The following CASP9 variants were observed in gnomAD, a reference collection of about 807,000 sequenced individuals.
CASP9 encodes the protein caspase 9.
In CASP9, 29 loss-of-function variants were observed where a neutral mutation model predicts 43.5. The observed-to-expected ratio is 0.67, with a 90% confidence interval of 0.50 to 0.91. The LOEUF (loss-of-function observed/expected upper bound fraction) is 0.91. Ranked by LOEUF, CASP9 falls within the 40% of genes least tolerant of loss-of-function variation. The pLI, the probability that CASP9 is intolerant of heterozygous loss-of-function variation, is 0.00. For synonymous variants in CASP9, 206 were observed against 211.9 expected, an observed-to-expected ratio of 0.97 and a Z score of 0.24; for missense variants, 575 against 537.4, an observed-to-expected ratio of 1.07 and a Z score of -0.69.
chr1:15,518,324 C>A lies in CASP9; in HGVS notation c.204G>T (p.Gln68His). 1 of 1,614,216 alleles carries A rather than the reference C, an allele frequency of 6.2e-7. No individual in the cohort carries two copies. Among genetic ancestry groups the A allele is most frequent in the Non-Finnish European group, 8.5e-7 (1 of 1,180,052 alleles). The change falls in exon 2 of 9, where the codon CAG becomes CAT. Residue 68 changes from glutamine (Q) to histidine (H), a missense_variant. Physicochemically the swap from Gln to His is conservative, Grantham distance 24 (BLOSUM62 0). Coordinates refer to ENST00000333868, the MANE Select transcript of CASP9 (RefSeq NM_001229.5). ...LIIDLETRGS[Q>H]ALPLFISCLE... ...AGCAGGAGATGAACAAAGGAAGAGC[C>A]TGACTCCCTCGAGTCTCCAGATCTA...
intron 1 of CASP9, among the ~76,000 whole-genome samples, chr1:15,519,471 C>T (rs186091560): frequency 6.6e-6 from 1 of 152,264 alleles, no homozygotes; most frequent in African/African-American, 2.4e-5. Context: ...CGTGAGCTAC[C>T]ATGCCCGGCC....
In CASP9 at chr1:15,524,155, G is replaced by T; in HGVS notation, c.46C>A (p.Leu16Met). The T allele has an allele frequency of 6.5e-7, 1 of 1,539,544 alleles. No individual in the cohort carries two copies. Residue 16 changes from leucine (L) to methionine (M), a missense_variant, in exon 1 of 9, where the codon CTG becomes ATG. Transcript: ENST00000333868. ...RRLLRRCRLRLVEELQVDQLW... is the reference protein window; with the variant it reads ...RRLLRRCRLRMVEELQVDQLW... ...TGGTCCACCTGCAGCTCTTCCACCA[G>T]CCGCAGCCGGCACCGCCGCAGGAGC...
chr1:15,524,009 C>T (rs887295976), intron 1 of CASP9, 60 bp downstream of exon 1: 2 of 1,285,624 alleles, frequency 1.6e-6, no homozygotes, highest in African/African-American at 3.2e-5. Flanking sequence ...CGCACAACGC[C>T]TCCTCGAGGG....
intron 1 of CASP9, among the ~76,000 whole-genome samples, chr1:15,520,977 G>A (rs1710168988): frequency 6.6e-6 from 1 of 151,992 alleles, no homozygotes; most frequent in Non-Finnish European, 1.5e-5. Flanking sequence ...CTAACACGGT[G>A]AAACCCCATC....
chr1:15,506,683 C>T (rs891494601), intron 4 of CASP9, among the ~76,000 whole-genome samples: 3 of 152,194 alleles, frequency 2.0e-5, no homozygotes, highest in Non-Finnish European at 4.4e-5. Flanking sequence ...AACTGAGGCA[C>T]AGGAGGTCAC....
chr1:15,514,178 A>G (rs988009677), intron 2 of CASP9, among the ~76,000 whole-genome samples: 1 of 152,124 alleles, frequency 6.6e-6, no homozygotes, highest in Non-Finnish European at 1.5e-5. Flanking sequence ...CTGTCTACCC[A>G]CTAGATGCCA....
rs1301282992 is a variant in CASP9 at position 15,524,204 on chromosome 1, G to T, written c.-4C>A. On this transcript the variant is annotated 5_prime_UTR_variant, in exon 1 of 9. Coordinates refer to ENST00000333868, the MANE Select transcript of CASP9 (RefSeq NM_001229.5). ...GCCGCCGATCCGCTTCGTCCATGGC[G>T]AGTAGCCAACTAAGACTCCAGGCCG... The T allele has an allele frequency of 3.9e-6, 6 of 1,542,984 alleles. No homozygotes were observed.
At chr1:15,493,609 A>G in intron 8 of CASP9, 1 of 1,436,628 alleles carries the variant, frequency 7.0e-7, no homozygotes, top group Non-Finnish European at 9.1e-7. Context: ...CTGCGCTGGC[A>G]CTGAGGACCA....
At chr1:15,520,939 C>T (rs1368905969) in intron 1 of CASP9, among the ~76,000 whole-genome samples, 2 of 152,012 alleles carry the variant, frequency 1.3e-5, no homozygotes, top group East Asian at 1.9e-4. Context: ...GGGCAGATCA[C>T]GAGGTCAGGA....
chr1:15,524,308 A>C (rs1570885370), upstream of CASP9: 3 of 1,362,580 alleles, frequency 2.2e-6, no homozygotes, highest in Non-Finnish European at 2.8e-6. Context: ...CCCCCGCGTC[A>C]CGGCCCCGGG....
At chr1:15,495,174 A>T in intron 7 of CASP9, 99 bp downstream of exon 7, 2 of 1,122,808 alleles carry the variant, frequency 1.8e-6, no homozygotes, top group Non-Finnish European at 1.3e-6. Flanking sequence ...AGACAGAACC[A>T]GGACTCATAC....
rs765697043 is a variant in CASP9 at position 15,505,995 on chromosome 1, A to G, written c.715T>C (p.Cys239Arg). Residue 239 changes from cysteine to arginine, a missense_variant, in exon 5 of 9, where the codon TGT becomes CGT. Physicochemically the swap from Cys to Arg is radical, Grantham distance 180. Transcript: ENST00000333868. ...AACAGTGGGAGGCTTCCTACCTGAC[A>G]GCCGTGAGAGAGAATGACCACCACG... ...CCVVVILSHG[C>R]QASHLQFPGA... 6.2e-7 allele frequency: 1 copy of G among 1,613,748 alleles called. No homozygotes were observed. The highest frequency in any genetic ancestry group is 8.5e-7 in the Non-Finnish European group (1 of 1,179,590).
chr1:15,494,407 A>G (rs1709016762), intron 7 of CASP9, among the ~76,000 whole-genome samples: 1 of 152,226 alleles, frequency 6.6e-6, no homozygotes, highest in Middle Eastern at 3.4e-3. Context: ...TCTACTAAAA[A>G]TACAAAAATT....
At chr1:15,524,263 C>A, upstream of CASP9, 3 of 1,516,828 alleles carry the variant, frequency 2.0e-6, no homozygotes, top group Non-Finnish European at 2.6e-6. Context: ...GCCGCCCGCC[C>A]CAGTCCCCAG....
intron 2 of CASP9, among the ~76,000 whole-genome samples, chr1:15,516,234 A>G (rs1371375309): frequency 1.3e-5 from 2 of 149,754 alleles, no homozygotes; most frequent in Non-Finnish European, 3.0e-5. Context: ...CAGGGATAAC[A>G]TGCACAGCTA....
In CASP9 at chr1:15,524,167, AC is replaced by A. The variant is rs1223580058; in HGVS notation, c.33del (p.Cys12AlafsTer19). On this transcript the variant is annotated frameshift_variant, in exon 1 of 9. Transcript: ENST00000333868. LOFTEE classifies it high-confidence loss of function. ...AGCTCTTCCACCAGCCGCAGCCGGC[AC>A]CGCCGCAGGAGCCGCCGATCCGCTT... is the stretch of plus-strand genomic sequence containing the variant. MDEADRRLLR[R>X]CRLRLVEELQ... 1 of 1,539,296 alleles carries A rather than the reference AC, an allele frequency of 6.5e-7. No homozygotes were observed. Among genetic ancestry groups the A allele is most frequent in the South Asian group, 1.2e-5 (1 of 83,888 alleles).
Position 15,517,862 on chromosome 1 carries a change from G to GA in CASP9, c.418+247dup, listed in dbSNP as rs553624489. Reference sequence around the variant, plus strand: ...CTGGGGCCTGCTATCTCAAAGGCAGGAAAAAAAACAAAAACAAAAACAAAA... The same window carrying GA: ...CTGGGGCCTGCTATCTCAAAGGCAGGAAAAAAAAACAAAAACAAAAACAAAA... On this transcript the variant is annotated intron_variant, in intron 2 of 8. Transcript: ENST00000333868. Among the ~76,000 whole-genome samples, 18 of 150,856 alleles carry GA rather than the reference G, an allele frequency of 1.2e-4. No homozygotes were observed. In the South Asian group the frequency reaches 3.6e-3, roughly 30 times the overall value.
intron 6 of CASP9, among the ~76,000 whole-genome samples, chr1:15,497,793 A>C (rs1310501905): frequency 1.3e-5 from 2 of 152,210 alleles, no homozygotes. Flanking sequence ...GAAATAGAAA[A>C]TCTATCCTAA....
At position 15,524,197 on chromosome 1, in the gene CASP9, C is replaced by T. The variant is rs1161509125; in HGVS notation, c.4G>A (p.Asp2Asn). 6.5e-7 allele frequency: 1 copy of T among 1,544,824 alleles called. No individual in the cohort carries two copies. The change falls in exon 1 of 9, where the codon GAC becomes AAC. Residue 2 changes from aspartate (D) to asparagine (N), a missense_variant. Asp to Asn is a conservative substitution (Grantham distance 23). Coordinates refer to ENST00000333868, the MANE Select transcript of CASP9 (RefSeq NM_001229.5). MDEADRRLLRRC... is the reference protein window; with the variant it reads MNEADRRLLRRC... The stretch of plus-strand genomic sequence containing the variant: ...CGCAGGAGCCGCCGATCCGCTTCGT[C>T]CATGGCGAGTAGCCAACTAAGACTC...
Sources: allele counts gnomAD v4.1 joint callset (sites outside exome capture counted in the v4.1 genomes callset), GRCh38; gene constraint gnomAD v4.1.1; transcripts MANE v1.5; gene names NCBI Gene and HGNC (gene_info 2026-07-23, HGNC 2026-07-21).